Variants in DGKD observed in about 807,000 individuals in gnomAD.
DGKD encodes the protein DAG kinase delta.
A neutral mutation model predicts 154.4 loss-of-function variants in DGKD; 68 were observed. The observed-to-expected ratio is 0.44, with a 90% CI of 0.36 to 0.54. The LOEUF (loss-of-function observed/expected upper bound fraction) is 0.54, where lower values mean the gene tolerates loss of function less well. Among genes scored for constraint, DGKD ranks in the 20% least tolerant of loss-of-function variants. DGKD has a pLI of 0.00. For synonymous variants in DGKD, 693 were observed against 638.0 expected (o/e 1.09, Z -1.30); for missense variants, 1,343 against 1,593.6 (o/e 0.84, Z 2.68).
At chr2:233,362,230 G>A (rs1701819239) in intron 1 of DGKD, among the ~76,000 whole-genome samples, 1 of 152,204 alleles carries the variant, frequency 6.6e-6, no homozygotes, top group East Asian at 1.9e-4. Context: ...CCACAAGGAA[G>A]CCTGGAGACA....
At chr2:233,454,581 TAATTG>T (rs2063395493) in intron 18 of DGKD, 177 bp from the exon 19 acceptor site, 1 of 581,218 alleles carries the variant, frequency 1.7e-6, no homozygotes, top group Non-Finnish European at 3.2e-6. Flanking sequence ...ATACTAAAAA[TAATTG>T]AATTGTACAT....
intron 1 of DGKD, among the ~76,000 whole-genome samples, chr2:233,362,877 G>A (rs939557865): frequency 6.6e-6 from 1 of 152,172 alleles, no homozygotes; most frequent in Non-Finnish European, 1.5e-5. Flanking sequence ...GTCTAGTGAC[G>A]TGGTAGCTGT....
chr2:233,398,195 T>A lies in DGKD; in HGVS notation c.348+7712T>A, dbSNP rs372861125. ...TCTCGCTCTGTTGCCCAGGCTGGAG[T>A]GCAGTGGTGCGATCTTGGCTTACTG... On this transcript the variant is annotated intron_variant, in intron 3 of 29. Transcript: ENST00000264057. 1.1e-4 allele frequency among the ~76,000 whole-genome samples: 17 copies of A among 150,548 alleles called. No homozygotes were observed. The East Asian group carries it at 2.2e-3, about 19-fold the overall frequency.
At position 233,459,212 on chromosome 2, in the gene DGKD, C is replaced by T. The variant is rs143348311; in HGVS notation, c.2695-545C>T. Among the ~76,000 whole-genome samples the T allele has an allele frequency of 0.022, 3,330 of 152,078 alleles. 55 individuals carry two copies. Among genetic ancestry groups the T allele is most frequent in the Non-Finnish European group, 0.029 (1,992 of 67,976 alleles). ...CTGTACCCAGGCACAGGCACTGGGG[C>T]GGGGGAGGGTGCTGATGACACCCAC... On this transcript the variant is annotated intron_variant, in intron 22 of 29. Coordinates refer to ENST00000264057, the MANE Select transcript of DGKD (RefSeq NM_152879.3). The surrounding 1 kb of genome is among the most constrained non-coding windows in gnomAD (Gnocchi z 5.7).
At chr2:233,446,300 A>G (rs1260374883) in intron 11 of DGKD, among the ~76,000 whole-genome samples, 2 of 152,246 alleles carry the variant, frequency 1.3e-5, no homozygotes, top group African/African-American at 4.8e-5. Flanking sequence ...AGTTGCTCCC[A>G]GAAGCCTGGA....
At chr2:233,434,543 C>T (rs1337951398) in intron 4 of DGKD, 59 bp downstream of exon 4, 8 of 1,533,560 alleles carry the variant, frequency 5.2e-6, no homozygotes, top group South Asian at 1.1e-5. Context: ...ACCCCAGTGT[C>T]TGCTGTCTGA....
intron 1 of DGKD, among the ~76,000 whole-genome samples, chr2:233,357,766 A>C (rs1428400162): frequency 6.6e-6 from 1 of 151,810 alleles, no homozygotes; most frequent in East Asian, 1.9e-4. Flanking sequence ...CAAACTCCTG[A>C]GCTCAAGTAA....
intron 3 of DGKD, among the ~76,000 whole-genome samples, chr2:233,407,872 G>A (rs1411116101): frequency 6.6e-6 from 1 of 152,178 alleles, no homozygotes; most frequent in Non-Finnish European, 1.5e-5. Flanking sequence ...TTTCTCAGCT[G>A]TTTCTAACAG....
At chr2:233,378,935 A>G (rs1303263796) in intron 1 of DGKD, among the ~76,000 whole-genome samples, 1 of 152,250 alleles carries the variant, frequency 6.6e-6, no homozygotes, top group South Asian at 2.1e-4. Flanking sequence ...GGAGGCTGAG[A>G]TGGGAGGATC....
chr2:233,373,052 G>A (rs1019456600), intron 1 of DGKD, among the ~76,000 whole-genome samples: 3 of 152,148 alleles, frequency 2.0e-5, no homozygotes, highest in South Asian at 2.1e-4. Context: ...GGCGGGTCCC[G>A]TGCTGTGCTC....
rs1416929828 is a variant in DGKD, at chr2:233,449,622, C to G, written c.1888+246C>G. 6.6e-6 allele frequency among the ~76,000 whole-genome samples: 1 copy of G among 152,162 alleles called. No individual in the cohort carries two copies. The highest frequency in any genetic ancestry group is 2.1e-4 in the South Asian group (1 of 4,832). On this transcript the variant is annotated intron_variant, in intron 15 of 29. Coordinates refer to ENST00000264057, the MANE Select transcript of DGKD (RefSeq NM_152879.3). The surrounding 1 kb of genome is among the most constrained non-coding windows in gnomAD (Gnocchi z 5.3). ...TCTTTCCTGGCCCTCATTGACTTCA[C>G]TATAAGCGTCTCACTCCCGTGAGAG... is the stretch of plus-strand genomic sequence containing the variant.
intron 3 of DGKD, among the ~76,000 whole-genome samples, chr2:233,394,565 C>G (rs765786811): frequency 6.6e-6 from 1 of 151,988 alleles, no homozygotes; most frequent in Non-Finnish European, 1.5e-5. Flanking sequence ...TAACTGTTCT[C>G]TCATGTATAT....
At chr2:233,418,167 G>A (rs1354513837) in intron 3 of DGKD, among the ~76,000 whole-genome samples, 1 of 152,224 alleles carries the variant, frequency 6.6e-6, no homozygotes, top group Non-Finnish European at 1.5e-5. Flanking sequence ...CATTGTGTGA[G>A]CATGTTGGAG....
chr2:233,393,525 A>G (rs1403905063), intron 3 of DGKD, among the ~76,000 whole-genome samples: 1 of 149,704 alleles, frequency 6.7e-6, no homozygotes, highest in Non-Finnish European at 1.5e-5. Context: ...TTAGTTAGAG[A>G]TGGGTTTTCG....
intron 3 of DGKD, among the ~76,000 whole-genome samples, chr2:233,393,640 A>G (rs1373339526): frequency 7.0e-6 from 1 of 142,136 alleles, no homozygotes; most frequent in African/African-American, 2.6e-5. Context: ...GCTGGGCCCT[A>G]CTTTCCTGTT....
chr2:233,372,301 C>T (rs184631403), intron 1 of DGKD, among the ~76,000 whole-genome samples: 4 of 152,298 alleles, frequency 2.6e-5, no homozygotes, highest in Admixed American at 2.0e-4. Context: ...GGATTACAGG[C>T]GTGAGCTACT....
rs774656067 is a variant in DGKD, at chr2:233,446,810, G to T, written c.1419+14G>T. On this transcript the variant is annotated intron_variant, in intron 12 of 29. Transcript: ENST00000264057. ...GAGGATTCCGAGGTATTGCTGGCCT[G>T]TTCTTCACACCCTGCTCGCATGCTG... 25 of 1,613,908 alleles carry T rather than the reference G, an allele frequency of 1.5e-5. No homozygotes were observed. The highest frequency in any genetic ancestry group is 1.3e-4 in the Admixed American group (8 of 59,992).
At chr2:233,371,441 G>A (rs1001457074) in intron 1 of DGKD, among the ~76,000 whole-genome samples, 1 of 152,088 alleles carries the variant, frequency 6.6e-6, no homozygotes, top group Non-Finnish European at 1.5e-5. Context: ...TTGGGTACTA[G>A]AACTTTATCA....
chr2:233,446,875 C>T (rs1204372226), intron 12 of DGKD, 79 bp downstream of exon 12: 11 of 1,525,452 alleles, frequency 7.2e-6, no homozygotes, highest in Non-Finnish European at 9.0e-6. Context: ...TGCATCACCT[C>T]CCTTGCAGAG....
Sources: allele counts gnomAD v4.1 joint callset (sites outside exome capture counted in the v4.1 genomes callset), GRCh38; gene constraint gnomAD v4.1.1; non-coding constraint Gnocchi (gnomAD v3.1); transcripts MANE v1.5; gene names NCBI Gene and HGNC (gene_info 2026-07-23, HGNC 2026-07-21).